Variants in MED13L observed in about 807,000 individuals in gnomAD.
MED13L encodes the protein mediator complex subunit 13L, also known as mediator of RNA polymerase II transcription subunit 13-like.
In MED13L, 7 loss-of-function variants were observed where a neutral mutation model predicts 220.9. The ratio of observed to expected loss-of-function variants is 0.03; its 90% CI spans 0.02 to 0.06. The LOEUF (loss-of-function observed/expected upper bound fraction) is 0.06, where lower values mean the gene tolerates loss of function less well. Ranked by LOEUF, MED13L falls within the 10% of genes least tolerant of loss-of-function variation. The pLI is 1.00. For synonymous variants in MED13L, 1,011 were observed against 1,015.2 expected (o/e 1.00, Z 0.08); for missense variants, 1,965 against 2,760.5 (o/e 0.71, Z 6.46).
At chr12:116,133,922 C>T (rs955717890) in intron 2 of MED13L, among the ~76,000 whole-genome samples, 1 of 152,152 alleles carries the variant, frequency 6.6e-6, no homozygotes, top group Non-Finnish European at 1.5e-5. Context: ...CAGCATCGAC[C>T]ACCAGCTATG....
At chr12:116,070,214 CT>C (rs1870262164) in intron 4 of MED13L, among the ~76,000 whole-genome samples, 1 of 152,124 alleles carries the variant, frequency 6.6e-6, no homozygotes, top group Non-Finnish European at 1.5e-5. Context: ...ATTTTGGAGG[CT>C]GAAAGTCCAG....
intron 4 of MED13L, among the ~76,000 whole-genome samples, chr12:116,033,357 C>T (rs538908282): frequency 2.0e-5 from 3 of 152,262 alleles, no homozygotes; most frequent in African/African-American, 4.8e-5. Context: ...CAGGAAACCA[C>T]TATAAAAATT....
intron 2 of MED13L, among the ~76,000 whole-genome samples, chr12:116,167,965 G>C (rs546401074): frequency 3.3e-5 from 5 of 152,134 alleles, no homozygotes; most frequent in African/African-American, 9.6e-5. Context: ...TTGAAATATT[G>C]AAGATAAAAT....
Position 116,096,751 on chromosome 12 carries a change from A to G in MED13L, c.397T>C (p.Cys133Arg). 1 of 1,611,688 alleles carries G rather than the reference A, an allele frequency of 6.2e-7. No homozygotes were observed. Among genetic ancestry groups the G allele is most frequent in the Admixed American group, 1.7e-5 (1 of 60,010 alleles). The change falls in exon 4 of 31, where the codon TGC becomes CGC. Residue 133 changes from cysteine (C) to arginine (R), a missense_variant and splice_region_variant. Physicochemically the swap from Cys to Arg is radical, Grantham distance 180. Around this residue, in one of 10 missense-constraint regions of MED13L, gnomAD observed 818 missense variants for 1,041.2 expected, o/e 0.79. Coordinates refer to ENST00000281928, the MANE Select transcript of MED13L (RefSeq NM_015335.5). ...FKAIHNLLER[C>R]LMDKNFVRIG... The stretch of plus-strand genomic sequence containing the variant: ...CTAACGAAGTTCTTATCCATTAGGC[A>G]CCTAAAATAATTACATCAAGAATTA...
At chr12:116,078,919 G>A (rs141350837) in intron 4 of MED13L, among the ~76,000 whole-genome samples, 122 of 152,208 alleles carry the variant, frequency 8.0e-4, no homozygotes, top group African/African-American at 2.8e-3. Context: ...CAGGCAGCAG[G>A]TCAAAACTAT....
intron 2 of MED13L, among the ~76,000 whole-genome samples, chr12:116,173,514 T>C (rs1879830307): frequency 6.6e-6 from 1 of 152,186 alleles, no homozygotes; most frequent in Non-Finnish European, 1.5e-5. Flanking sequence ...CTTTATAGCA[T>C]AAGAAAAATG....
rs1455414928 is a variant in MED13L at position 115,984,172 on chromosome 12, C to T, written c.4531+8G>A. 1.2e-6 allele frequency: 2 copies of T among 1,613,144 alleles called. No individual in the cohort carries two copies. The highest frequency in any genetic ancestry group is 1.7e-6 in the Non-Finnish European group (2 of 1,179,820). On this transcript the variant is annotated splice_region_variant and intron_variant, in intron 20 of 30. Coordinates refer to ENST00000281928, the MANE Select transcript of MED13L (RefSeq NM_015335.5). Reference sequence around the variant, plus strand: ...CAATTCTACTTTGCCAAATAAATTCCCATTTACCTAGGTGATGGCGGCAAA... The same window carrying T: ...CAATTCTACTTTGCCAAATAAATTCTCATTTACCTAGGTGATGGCGGCAAA...
At chr12:116,049,715 C>G (rs1487101118) in intron 4 of MED13L, among the ~76,000 whole-genome samples, 1 of 152,230 alleles carries the variant, frequency 6.6e-6, no homozygotes, top group Admixed American at 6.5e-5. Flanking sequence ...CCAAAATATT[C>G]AAACAATTTA....
intron 3 of MED13L, among the ~76,000 whole-genome samples, chr12:116,106,168 A>G (rs561173456): frequency 2.0e-5 from 3 of 152,226 alleles, no homozygotes; most frequent in Non-Finnish European, 4.4e-5. Context: ...TTACTACAGC[A>G]TAACTGAGCC....
intron 2 of MED13L, among the ~76,000 whole-genome samples, chr12:116,212,682 A>G (rs538523106): frequency 6.6e-6 from 1 of 152,354 alleles, no homozygotes; most frequent in Middle Eastern, 3.4e-3. Context: ...TTTAACCTAC[A>G]TTCTGAGTAA....
At chr12:116,122,147 A>C (rs950059804) in intron 2 of MED13L, among the ~76,000 whole-genome samples, 1 of 152,172 alleles carries the variant, frequency 6.6e-6, no homozygotes, top group African/African-American at 2.4e-5. Context: ...CAAAAACTAC[A>C]CTAATCAGAT....
chr12:116,096,904 T>C, intron 3 of MED13L, 152 bp from the exon 4 acceptor site: 2 of 658,144 alleles, frequency 3.0e-6, no homozygotes, highest in Non-Finnish European at 2.7e-6. Context: ...TTTTACGTTA[T>C]ACTTTCCGAA....
chr12:115,987,374 T>G, intron 17 of MED13L, 86 bp from the exon 18 acceptor site: 1 of 1,274,356 alleles, frequency 7.8e-7, no homozygotes, highest in Non-Finnish European at 1.1e-6. Context: ...TCAGTTATAT[T>G]CAGAACAATG....
At chr12:116,193,510 A>T (rs917533074) in intron 2 of MED13L, among the ~76,000 whole-genome samples, 7 of 152,132 alleles carry the variant, frequency 4.6e-5, no homozygotes, top group Non-Finnish European at 1.0e-4. Flanking sequence ...AATGTGAGTC[A>T]TCTAATTATT....
chr12:116,053,440 G>A (rs1224008193), intron 4 of MED13L, among the ~76,000 whole-genome samples: 1 of 152,178 alleles, frequency 6.6e-6, no homozygotes, highest in Non-Finnish European at 1.5e-5. Flanking sequence ...GGGCCTGAAG[G>A]ACTTTTAGGA....
intron 23 of MED13L, among the ~76,000 whole-genome samples, chr12:115,976,382 A>G (rs547485961): frequency 3.7e-4 from 56 of 152,350 alleles, no homozygotes; most frequent in South Asian, 1.2e-3. Context: ...TCAACAATGA[A>G]TAAAAGAAGC....
At chr12:115,983,594 T>C in intron 20 of MED13L, 54 bp from the exon 21 acceptor site, 1 of 1,580,900 alleles carries the variant, frequency 6.3e-7, no homozygotes, top group Non-Finnish European at 8.7e-7. Context: ...AGTGTCGGAC[T>C]GAACCAGAAT....
intron 2 of MED13L, among the ~76,000 whole-genome samples, chr12:116,187,106 TGACTCCAGCTCACC>T (rs1374111385): frequency 1.3e-5 from 2 of 152,238 alleles, no homozygotes; most frequent in Admixed American, 1.3e-4. Context: ...ACTGCCTTAA[TGACTCCAGCTCACC>T]GATTCCAGGC....
intron 1 of MED13L, among the ~76,000 whole-genome samples, chr12:116,258,083 A>C (rs1310935363): frequency 6.6e-6 from 1 of 152,228 alleles, no homozygotes; most frequent in Non-Finnish European, 1.5e-5. Context: ...TAATTTTCAA[A>C]AGGCTCGAAA....
Sources: gnomAD v4.1 joint callset for allele counts (sites outside exome capture counted in the v4.1 genomes callset) on GRCh38, gnomAD v4.1.1 for gene constraint, gnomAD v4.1.1 regional missense constraint, MANE v1.5 for transcripts, NCBI Gene and HGNC (gene_info 2026-07-23, HGNC 2026-07-21) for gene names.